Variants in PXYLP1 observed in about 807,000 individuals in gnomAD.
The protein encoded by PXYLP1 is acid phosphatase-like 2.
PXYLP1 carries 17 observed loss-of-function variants against 37.9 expected under a neutral mutation model. The observed-to-expected ratio is 0.45, with a 90% CI of 0.31 to 0.67. The LOEUF (loss-of-function observed/expected upper bound fraction) is 0.67, where lower values mean the gene tolerates loss of function less well. Among genes scored for constraint, PXYLP1 ranks in the 30% least tolerant of loss-of-function variants. The pLI is 0.07. For synonymous variants in PXYLP1, 221 were observed against 232.2 expected (o/e 0.95, Z 0.44); for missense variants, 511 against 612.0 (o/e 0.84, Z 1.74).
At chr3:141,246,110 G>A (rs1226028327) in intron 1 of PXYLP1, among the ~76,000 whole-genome samples, 1 of 152,150 alleles carries the variant, frequency 6.6e-6, no homozygotes, top group Non-Finnish European at 1.5e-5. Flanking sequence ...TGGGTGTAAT[G>A]GGTTTGGAAA....
At chr3:141,268,468 C>G (rs553535748) in intron 2 of PXYLP1, among the ~76,000 whole-genome samples, 27 of 152,244 alleles carry the variant, frequency 1.8e-4, no homozygotes, top group African/African-American at 6.5e-4. Flanking sequence ...AGCCAAGCCA[C>G]GCAGTGCAGA....
chr3:141,271,707 G>A (rs1206623129), intron 2 of PXYLP1, among the ~76,000 whole-genome samples: 1 of 152,230 alleles, frequency 6.6e-6, no homozygotes, highest in African/African-American at 2.4e-5. Context: ...GGAGGGAGGG[G>A]TTTGGAAGCC....
intron 2 of PXYLP1, among the ~76,000 whole-genome samples, 180 bp from the exon 3 acceptor site, chr3:141,278,162 G>A (rs1026520589): frequency 6.6e-6 from 1 of 152,180 alleles, no homozygotes; most frequent in African/African-American, 2.4e-5. Context: ...GAAGGGGCAG[G>A]ACACAGTGGG....
At chr3:141,237,092 G>T (rs16851162) in intron 1 of PXYLP1, among the ~76,000 whole-genome samples, 1 of 152,144 alleles carries the variant, frequency 6.6e-6, no homozygotes, top group African/African-American at 2.4e-5. Flanking sequence ...TGGTTAAAAG[G>T]CTTCCTCTAG....
At chr3:141,289,602 C>G (rs993729470) in intron 5 of PXYLP1, among the ~76,000 whole-genome samples, 4 of 152,160 alleles carry the variant, frequency 2.6e-5, no homozygotes, top group Non-Finnish European at 5.9e-5. Flanking sequence ...ACTCTAAGAT[C>G]AAGAGTGTGA....
rs1203998085 is a variant in PXYLP1, at chr3:141,248,672, C to T, written c.-53-11451C>T. ...ATATACACACGTATATATACACACACGTGTATATATACACACGTATATACA... is the reference window on the plus strand; with the variant it reads ...ATATACACACGTATATATACACACATGTGTATATATACACACGTATATACA... On this transcript the variant is annotated intron_variant, in intron 1 of 5. Transcript: ENST00000286353. 1.2e-3 allele frequency among the ~76,000 whole-genome samples: 74 copies of T among 61,624 alleles called. 1 individual carries two copies. The highest frequency in any genetic ancestry group is 4.2e-3 in the East Asian group (8 of 1,898). 40.4% of individuals were successfully genotyped at this position (61,624 alleles called of 152,430 possible).
At chr3:141,251,735 T>C (rs921647324) in intron 1 of PXYLP1, among the ~76,000 whole-genome samples, 1 of 152,188 alleles carries the variant, frequency 6.6e-6, no homozygotes. Context: ...TGCCCTGGCC[T>C]CTCTTCAGGT....
chr3:141,253,625 G>C (rs1484884442), intron 1 of PXYLP1, among the ~76,000 whole-genome samples: 1 of 149,644 alleles, frequency 6.7e-6, no homozygotes, highest in Non-Finnish European at 1.5e-5. Flanking sequence ...CTAGTGATCT[G>C]TTTACTCCCT....
At position 141,243,884 on chromosome 3, in the gene PXYLP1, C is replaced by T. The variant is rs191493947; in HGVS notation, c.-54+11973C>T. On this transcript the variant is annotated intron_variant, in intron 1 of 5. Transcript: ENST00000286353. Reference sequence around the variant, plus strand: ...TATCATGTGCCTGCCTTGTGAGATACTGCTTAACTGCATTGTTTAAAAATA... The same window carrying T: ...TATCATGTGCCTGCCTTGTGAGATATTGCTTAACTGCATTGTTTAAAAATA... Among the ~76,000 whole-genome samples, 3 of 152,370 alleles carry T rather than the reference C, an allele frequency of 2.0e-5. No homozygotes were observed. The East Asian group carries it at 5.8e-4, about 29-fold the overall frequency.
At chr3:141,278,781 T>C (rs1168252243) in intron 3 of PXYLP1, among the ~76,000 whole-genome samples, 1 of 152,198 alleles carries the variant, frequency 6.6e-6, no homozygotes, top group East Asian at 1.9e-4. Context: ...TCATGATCTT[T>C]AGTGAGACAG....
intron 1 of PXYLP1, among the ~76,000 whole-genome samples, chr3:141,241,247 C>T (rs576910551): frequency 5.3e-5 from 8 of 152,292 alleles, no homozygotes; most frequent in East Asian, 3.9e-4. Flanking sequence ...TTTAGTTTGT[C>T]GTAGGTTTCT....
At chr3:141,256,984 G>T (rs1416385774) in intron 1 of PXYLP1, among the ~76,000 whole-genome samples, 1 of 152,196 alleles carries the variant, frequency 6.6e-6, no homozygotes, top group African/African-American at 2.4e-5. Flanking sequence ...GCAGTTACAC[G>T]ATCCCAGCCA....
chr3:141,271,816 C>G (rs576903250), intron 2 of PXYLP1, among the ~76,000 whole-genome samples: 5 of 152,322 alleles, frequency 3.3e-5, no homozygotes, highest in Non-Finnish European at 5.9e-5. Flanking sequence ...AGGTCCTCAT[C>G]CCTGGGCTAG....
chr3:141,237,265 A>G (rs1378037675), intron 1 of PXYLP1, among the ~76,000 whole-genome samples: 1 of 152,140 alleles, frequency 6.6e-6, no homozygotes, highest in Non-Finnish European at 1.5e-5. Context: ...TCTGCAAGTC[A>G]AACAAACAAA....
At chr3:141,263,889 C>T (rs1377263382) in intron 2 of PXYLP1, among the ~76,000 whole-genome samples, 1 of 152,214 alleles carries the variant, frequency 6.6e-6, no homozygotes, top group African/African-American at 2.4e-5. Flanking sequence ...TTTAAGCAAA[C>T]CAGCGCAGAG....
At chr3:141,243,279 A>T (rs1940856204) in intron 1 of PXYLP1, among the ~76,000 whole-genome samples, 2 of 152,174 alleles carry the variant, frequency 1.3e-5, no homozygotes, top group South Asian at 2.1e-4. Flanking sequence ...CAGCGCCATG[A>T]TGTAACTCAG....
At chr3:141,281,333 G>A (rs61710141) in intron 4 of PXYLP1, among the ~76,000 whole-genome samples, 3 of 152,170 alleles carry the variant, frequency 2.0e-5, no homozygotes, top group Non-Finnish European at 4.4e-5. Context: ...AACTGGGCAG[G>A]TGTGAGCCAC....
intron 1 of PXYLP1, among the ~76,000 whole-genome samples, chr3:141,233,918 C>T (rs1940595291): frequency 6.6e-6 from 1 of 152,200 alleles, no homozygotes; most frequent in African/African-American, 2.4e-5. Flanking sequence ...CCCTACACCG[C>T]TCTGTGATGA....
Position 141,279,361 on chromosome 3 carries a change from G to C in PXYLP1, c.239-17G>C, listed in dbSNP as rs747123588. 4.3e-6 allele frequency: 7 copies of C among 1,614,018 alleles called. No homozygotes were observed. The highest frequency in any genetic ancestry group is 1.7e-5 in the Admixed American group (1 of 60,016). ...ACCTATTGAGTGATAACCAGACAAT[G>C]TGCTTCTCTCGCGCAGGTCATGCCC... On this transcript the variant is annotated splice_polypyrimidine_tract_variant and intron_variant, in intron 3 of 5. Transcript: ENST00000286353.
Sources: gnomAD v4.1 joint callset for allele counts (sites outside exome capture counted in the v4.1 genomes callset) on GRCh38, gnomAD v4.1.1 for gene constraint, MANE v1.5 for transcripts, NCBI Gene and HGNC (gene_info 2026-07-23, HGNC 2026-07-21) for gene names.